The following NT5C3A variants were observed in gnomAD, a reference collection of about 807,000 sequenced individuals.
The protein encoded by NT5C3A is cytosolic 5'-nucleotidase 3A.
In NT5C3A, 23 loss-of-function variants were observed where a neutral mutation model predicts 40.0. The observed-to-expected ratio is 0.58, with a 90% confidence interval of 0.41 to 0.81. The LOEUF (loss-of-function observed/expected upper bound fraction) is 0.81. Among genes scored for constraint, NT5C3A ranks in the 40% least tolerant of loss-of-function variants. NT5C3A has a pLI of 0.00. For missense variants in NT5C3A, 328 were observed against 403.0 expected (o/e 0.81, Z 1.59); for synonymous variants, 130 against 141.4 (o/e 0.92, Z 0.57).
At chr7:33,027,992 C>T (rs1368057823) in intron 1 of NT5C3A, among the ~76,000 whole-genome samples, 4 of 152,048 alleles carry the variant, frequency 2.6e-5, no homozygotes, top group Non-Finnish European at 5.9e-5. Context: ...ATTATTCCCC[C>T]AAAAGTTTGT....
intron 1 of NT5C3A, among the ~76,000 whole-genome samples, chr7:33,050,272 A>G (rs1280109205): frequency 1.3e-5 from 2 of 152,184 alleles, no homozygotes; most frequent in Non-Finnish European, 2.9e-5. Flanking sequence ...ATTAACCCAA[A>G]TGGGAGTCAG....
chr7:33,019,953 T>C (rs766267315), intron 5 of NT5C3A, among the ~76,000 whole-genome samples: 1 of 152,198 alleles, frequency 6.6e-6, no homozygotes, highest in African/African-American at 2.4e-5. Context: ...AGCTTAAATA[T>C]GTTAGTAAGG....
chr7:33,020,506 TAGTTCC>T (rs1477665776), intron 5 of NT5C3A, among the ~76,000 whole-genome samples: 3 of 152,206 alleles, frequency 2.0e-5, no homozygotes, highest in Admixed American at 2.0e-4. Context: ...CTTCCAAGTC[TAGTTCC>T]AGTTCTGCTG....
chr7:33,026,976 T>C (rs1785980154), intron 1 of NT5C3A, 61 bp from the exon 2 acceptor site: 1 of 1,111,506 alleles, frequency 9.0e-7, no homozygotes, highest in Non-Finnish European at 1.3e-6. Flanking sequence ...GTTCCTTTGA[T>C]ACCAAGCAGA....
At chr7:33,038,890 C>T (rs1374158796) in intron 1 of NT5C3A, 5 of 456,212 alleles carry the variant, frequency 1.1e-5, no homozygotes, top group East Asian at 7.0e-5. Context: ...GTGTAGAAGA[C>T]GTGTTCAAAA....
intron 1 of NT5C3A, among the ~76,000 whole-genome samples, chr7:33,030,265 A>C (rs1234676904): frequency 6.6e-6 from 1 of 152,212 alleles, no homozygotes; most frequent in Admixed American, 6.5e-5. Flanking sequence ...GATGAAATAC[A>C]TCACATACTT....
At chr7:33,034,139 C>G (rs1268365714) in intron 1 of NT5C3A, among the ~76,000 whole-genome samples, 5 of 152,044 alleles carry the variant, frequency 3.3e-5, no homozygotes, top group Admixed American at 2.6e-4. Context: ...GATCTGCCCA[C>G]CTCGGCCTCT....
In NT5C3A at chr7:33,060,486, T is replaced by C. The variant is rs1787736369; in HGVS notation, c.138+2082A>G. Among the ~76,000 whole-genome samples, 7 of 148,542 alleles carry C rather than the reference T, an allele frequency of 4.7e-5. No homozygotes were observed. The South Asian group carries it at 1.6e-3, about 33-fold the overall frequency. ...AGCCATGACTGGCTTCTTCTGTACA[T>C]TAATCTTGCTGCCCTATGGGATATT... On this transcript the variant is annotated intron_variant, in intron 1 of 8. Coordinates refer to ENST00000610140, the MANE Select transcript of NT5C3A (RefSeq NM_001002010.5).
chr7:33,059,109 G>A (rs930679680), intron 1 of NT5C3A, among the ~76,000 whole-genome samples: 27 of 152,068 alleles, frequency 1.8e-4, no homozygotes, highest in African/African-American at 5.1e-4. Flanking sequence ...TTTTCTTCTC[G>A]CTGTAAAACT....
chr7:33,034,329 C>T (rs1786462282), intron 1 of NT5C3A, among the ~76,000 whole-genome samples: 1 of 152,086 alleles, frequency 6.6e-6, no homozygotes, highest in Non-Finnish European at 1.5e-5. Context: ...TGCTACTTGC[C>T]TCCACAAACA....
intron 1 of NT5C3A, among the ~76,000 whole-genome samples, chr7:33,059,660 G>C (rs1397277097): frequency 6.6e-6 from 1 of 152,190 alleles, no homozygotes; most frequent in Non-Finnish European, 1.5e-5. Flanking sequence ...AAAAATGGGA[G>C]ATTCAGAGAG....
chr7:33,044,638 T>C (rs973648291), intron 1 of NT5C3A, among the ~76,000 whole-genome samples: 5 of 152,186 alleles, frequency 3.3e-5, no homozygotes, highest in African/African-American at 4.8e-5. Context: ...AGATTTTTTT[T>C]CCTCCCCTTT....
rs1785197900 is a variant in NT5C3A at position 33,014,139 on chromosome 7, T to C, written c.*591A>G. ...AGTTTTGACCATAGAATTAAAAAGG[T>C]TTTGCATTTCATATTTATTATCAGT... On this transcript the variant is annotated 3_prime_UTR_variant, in exon 9 of 9. Coordinates refer to ENST00000610140, the MANE Select transcript of NT5C3A (RefSeq NM_001002010.5). 2.3e-6 allele frequency: 1 copy of C among 438,182 alleles called. No individual in the cohort carries two copies. The highest frequency in any genetic ancestry group is 4.6e-6 in the Non-Finnish European group (1 of 219,040). 27.1% of individuals were successfully genotyped at this position (438,182 alleles called of 1,614,324 possible).
chr7:33,019,533 A>G (rs1704188166), intron 6 of NT5C3A, 102 bp downstream of exon 6: 2 of 759,902 alleles, frequency 2.6e-6, no homozygotes, highest in South Asian at 1.4e-5. Flanking sequence ...ATGGTTATAT[A>G]AGGAATATTC....
chr7:33,040,528 T>C (rs910315380), intron 1 of NT5C3A, among the ~76,000 whole-genome samples: 4 of 152,230 alleles, frequency 2.6e-5, no homozygotes, highest in East Asian at 1.9e-4. Context: ...CTGAGTCACA[T>C]AGCCAACTGA....
At chr7:33,058,958 C>A (rs1787673369) in intron 1 of NT5C3A, among the ~76,000 whole-genome samples, 1 of 152,212 alleles carries the variant, frequency 6.6e-6, no homozygotes, top group African/African-American at 2.4e-5. Flanking sequence ...TTCAGACCAA[C>A]TTCTGATCTT....
chr7:33,029,526 T>C (rs1786129245), intron 1 of NT5C3A: 1 of 555,726 alleles, frequency 1.8e-6, no homozygotes, highest in South Asian at 1.6e-5. Flanking sequence ...TTTGATTCAA[T>C]AACCAATCCA....
At chr7:33,036,839 G>A (rs549112816) in intron 1 of NT5C3A, among the ~76,000 whole-genome samples, 18 of 151,530 alleles carry the variant, frequency 1.2e-4, no homozygotes, top group Non-Finnish European at 2.4e-4. Context: ...TTGAGATGCA[G>A]TCTTGCTCTG....
chr7:33,039,994 T>C (rs547659243), intron 1 of NT5C3A, among the ~76,000 whole-genome samples: 4 of 152,264 alleles, frequency 2.6e-5, no homozygotes, highest in Admixed American at 1.3e-4. Flanking sequence ...TAATATCTAA[T>C]AGCATTTTTT....
Sources: allele counts gnomAD v4.1 joint callset (sites outside exome capture counted in the v4.1 genomes callset), GRCh38; gene constraint gnomAD v4.1.1; transcripts MANE v1.5; gene names NCBI Gene and HGNC (gene_info 2026-07-23, HGNC 2026-07-21).